Variants in TSPAN15 observed in about 807,000 individuals in gnomAD.
TSPAN15 encodes tetraspanin-15.
TSPAN15 carries 20 observed loss-of-function variants against 34.5 expected under a neutral mutation model. The ratio of observed to expected loss-of-function variants is 0.58; its 90% CI spans 0.41 to 0.84. TSPAN15 has a LOEUF of 0.84. Ranked by LOEUF, TSPAN15 falls within the 40% of genes least tolerant of loss-of-function variation. TSPAN15 has a pLI of 0.00. For synonymous variants in TSPAN15, 155 were observed against 153.9 expected, an observed-to-expected ratio of 1.01 and a Z score of -0.05; for missense variants, 313 against 386.1, an observed-to-expected ratio of 0.81 and a Z score of 1.59.
At chr10:69,497,870 C>T (rs532470212) in intron 4 of TSPAN15, among the ~76,000 whole-genome samples, 8 of 152,206 alleles carry the variant, frequency 5.3e-5, no homozygotes, top group African/African-American at 9.6e-5. Flanking sequence ...AGGGTGGGTG[C>T]GAAGGTTGGT....
chr10:69,524,931 C>T, the TSPAN15 span, among the ~76,000 whole-genome samples: 1 of 147,154 alleles, frequency 6.8e-6, no homozygotes, highest in Non-Finnish European at 1.5e-5. Context: ...CAGGCTCCTG[C>T]CACCACGCCC....
chr10:69,547,720 C>T, the TSPAN15 span, among the ~76,000 whole-genome samples: 4 of 152,028 alleles, frequency 2.6e-5, no homozygotes, highest in Admixed American at 1.3e-4. Flanking sequence ...CAGGAAGTGC[C>T]GAGGTAGATT....
At chr10:69,491,160 C>T (rs1054624911) in intron 3 of TSPAN15, among the ~76,000 whole-genome samples, 17 of 152,210 alleles carry the variant, frequency 1.1e-4, no homozygotes, top group Non-Finnish European at 2.2e-4. Flanking sequence ...ACTCCACACG[C>T]CCCTTCCCAC....
rs1011004760 is a variant in TSPAN15 at position 69,507,181 on chromosome 10, C to T, written c.*203C>T. The T allele has an allele frequency of 5.3e-5, 75 of 1,420,234 alleles. 2 individuals are homozygous for T. The Admixed American group carries it at 1.6e-3, about 31-fold the overall frequency. The allele number at this position is 1,420,234 out of a possible 1,614,324, so 88.0% of individuals were successfully genotyped here. A position where few individuals can be genotyped will look rare whatever the true frequency, so the allele number is the denominator to read the frequency against. The stretch of plus-strand genomic sequence containing the variant: ...TGGGCCTCCCCTAAGAGGCTTTCCC[C>T]GAGGCAGCTCTGGAATCTGTGCCCA... On this transcript the variant is annotated 3_prime_UTR_variant, in exon 8 of 8. Coordinates refer to ENST00000373290, the MANE Select transcript of TSPAN15 (RefSeq NM_012339.5).
Position 69,461,742 on chromosome 10 carries a change from A to C in TSPAN15, c.96+10052A>C, listed in dbSNP as rs149356893. On this transcript the variant is annotated intron_variant, in intron 1 of 7. Coordinates refer to ENST00000373290, the MANE Select transcript of TSPAN15 (RefSeq NM_012339.5). ...GCCCACCCTGTGGCAGATTGGGACC[A>C]TCCCCTGGGTGCAGTAGGGTTGGGG... is the stretch of plus-strand genomic sequence containing the variant. Among the ~76,000 whole-genome samples, 1,370 of 141,534 alleles carry C rather than the reference A, an allele frequency of 9.7e-3. 22 individuals carry two copies. Among genetic ancestry groups the C allele is most frequent in the African/African-American group, 0.033 (1,302 of 39,540 alleles). The allele number at this position is 141,534 out of a possible 152,430, so 92.9% of individuals were successfully genotyped here.
the TSPAN15 span, among the ~76,000 whole-genome samples, chr10:69,522,375 CAAAAAAAAAAA>C: frequency 1.0e-4 from 5 of 48,364 alleles, no homozygotes; most frequent in Admixed American, 1.6e-3. Flanking sequence ...GACCTTGTCT[CAAAAAAAAAAA>C]AAAAAAAAAA....
the TSPAN15 span, among the ~76,000 whole-genome samples, chr10:69,532,504 T>C: frequency 1.3e-5 from 2 of 152,194 alleles, no homozygotes; most frequent in African/African-American, 4.8e-5. Context: ...TCGACCTTCA[T>C]CTCTCACCTT....
At chr10:69,539,682 T>C in the TSPAN15 span, among the ~76,000 whole-genome samples, 1 of 152,050 alleles carries the variant, frequency 6.6e-6, no homozygotes, top group Admixed American at 6.5e-5. Context: ...AGAAATTAGT[T>C]TGGGGCTGAT....
At chr10:69,509,547 G>A (rs1356002975), downstream of TSPAN15, among the ~76,000 whole-genome samples, 3 of 151,940 alleles carry the variant, frequency 2.0e-5, no homozygotes, top group Non-Finnish European at 4.4e-5. Context: ...TGTTCACTCT[G>A]ATGGTAGTTT....
In TSPAN15 at chr10:69,483,766, GC is replaced by G. The variant is rs1468320278; in HGVS notation, c.174del (p.Phe59SerfsTer56). 1 of 1,614,074 alleles carries G rather than the reference GC, an allele frequency of 6.2e-7. No individual in the cohort carries two copies. The highest frequency in any genetic ancestry group is 8.5e-7 in the Non-Finnish European group (1 of 1,180,058). ...ERQKYKTLES[A>X]FLAPAIILIL... ...GCAGAAATATAAAACCCTTGAAAGT[GC>G]CTTCCTGGCTCCAGCCATCATCCTC... On this transcript the variant is annotated frameshift_variant, in exon 2 of 8. Coordinates refer to ENST00000373290, the MANE Select transcript of TSPAN15 (RefSeq NM_012339.5). LOFTEE classifies it high-confidence loss of function.
chr10:69,531,171 T>A, the TSPAN15 span, among the ~76,000 whole-genome samples: 9 of 147,198 alleles, frequency 6.1e-5, no homozygotes, highest in Non-Finnish European at 1.3e-4. Context: ...CACTATATTT[T>A]TAACACTATG....
chr10:69,456,127 A>T (rs978120334), intron 1 of TSPAN15, among the ~76,000 whole-genome samples: 1 of 150,376 alleles, frequency 6.6e-6, no homozygotes, highest in African/African-American at 2.5e-5. Flanking sequence ...TCGCTCTTTC[A>T]CCTAGACTGG....
Position 69,507,478 on chromosome 10 carries a change from C to T in TSPAN15, c.*500C>T. On this transcript the variant is annotated 3_prime_UTR_variant, in exon 8 of 8. Transcript: ENST00000373290. ...TTCTCAGCCTCCCAGGTGCCTTGAGCCCTCTTGCAAGGGCGGCTGCTTCCT... is the reference window on the plus strand; with the variant it reads ...TTCTCAGCCTCCCAGGTGCCTTGAGTCCTCTTGCAAGGGCGGCTGCTTCCT... The T allele has an allele frequency of 2.3e-6, 3 of 1,303,748 alleles. No homozygotes were observed. The highest frequency in any genetic ancestry group is 3.0e-6 in the Non-Finnish European group (3 of 989,208). The allele number at this position is 1,303,748 out of a possible 1,614,324, so 80.8% of individuals were successfully genotyped here. A position where few individuals can be genotyped will look rare whatever the true frequency, so the allele number is the denominator to read the frequency against.
intron 1 of TSPAN15, 57 bp downstream of exon 1, chr10:69,451,747 C>T: frequency 7.5e-7 from 1 of 1,337,478 alleles, no homozygotes; most frequent in South Asian, 1.7e-5. Context: ...TCCGGCCGCC[C>T]CCTCACTGGC....
intron 1 of TSPAN15, among the ~76,000 whole-genome samples, chr10:69,461,826 A>G (rs1339227593): frequency 6.6e-6 from 1 of 151,944 alleles, no homozygotes; most frequent in Non-Finnish European, 1.5e-5. Flanking sequence ...GAGTCAAAAG[A>G]CAGGAACTTC....
chr10:69,473,488 G>A (rs58542910), intron 1 of TSPAN15, among the ~76,000 whole-genome samples: 9,414 of 151,498 alleles, frequency 0.062, 1,010 homozygotes, highest in African/African-American at 0.22. Context: ...AAGGCAGCCC[G>A]TGGGGGCGGA....
chr10:69,542,414 G>A, the TSPAN15 span, among the ~76,000 whole-genome samples: 6 of 152,208 alleles, frequency 3.9e-5, no homozygotes, highest in South Asian at 2.1e-4. Flanking sequence ...CCAAAGTTAC[G>A]TCCACATTTT....
At chr10:69,511,996 G>C (rs769338726), downstream of TSPAN15, among the ~76,000 whole-genome samples, 44 of 152,062 alleles carry the variant, frequency 2.9e-4, no homozygotes, top group Admixed American at 1.3e-4. Context: ...GTAGATGATG[G>C]GTTGATGGGT....
chr10:69,493,740 G>A (rs559810904), intron 3 of TSPAN15, among the ~76,000 whole-genome samples: 1 of 152,296 alleles, frequency 6.6e-6, no homozygotes, highest in Admixed American at 6.5e-5. Flanking sequence ...CCAAAGTGCT[G>A]GGATTACAGG....
Sources: allele counts gnomAD v4.1 joint callset (sites outside exome capture counted in the v4.1 genomes callset), GRCh38; gene constraint gnomAD v4.1.1; transcripts MANE v1.5; gene names NCBI Gene and HGNC (gene_info 2026-07-23, HGNC 2026-07-21).